The following NTM variants were observed in gnomAD, a reference collection of about 807,000 sequenced individuals.
NTM encodes neurotrimin.
Under a neutral mutation model 42.1 loss-of-function variants are expected in NTM, and 13 were observed. That is an observed-to-expected ratio of 0.31 (90% CI 0.20 to 0.49). NTM has a LOEUF of 0.49. Ranked by LOEUF, NTM falls within the 20% of genes least tolerant of loss-of-function variation. The pLI, the probability that NTM is intolerant of heterozygous loss-of-function variation, is 0.99. For synonymous variants in NTM, 187 were observed against 179.2 expected (o/e 1.04, Z -0.35); for missense variants, 373 against 452.8 (o/e 0.82, Z 1.60).
intron 2 of NTM, among the ~76,000 whole-genome samples, chr11:132,012,669 C>G (rs1555217994): frequency 6.6e-6 from 1 of 152,140 alleles, no homozygotes; most frequent in Non-Finnish European, 1.5e-5. Flanking sequence ...TTCCTCTTCT[C>G]TTGATTAATT....
chr11:131,555,713 G>A (rs1242015316), intron 1 of NTM, among the ~76,000 whole-genome samples: 2 of 152,128 alleles, frequency 1.3e-5, no homozygotes, highest in African/African-American at 2.4e-5. Flanking sequence ...TCTTGCTCAG[G>A]CAGGAATGGC....
intron 1 of NTM, among the ~76,000 whole-genome samples, chr11:131,724,073 G>A (rs893816485): frequency 6.6e-6 from 1 of 152,164 alleles, no homozygotes; most frequent in Non-Finnish European, 1.5e-5. Context: ...AGAGGAGGGA[G>A]GGACAACACT....
rs114174055 is a variant in NTM at position 131,763,184 on chromosome 11, G to C, written c.83-148380G>C. Among the ~76,000 whole-genome samples the C allele has an allele frequency of 3.7e-3, 563 of 152,318 alleles. 5 individuals carry two copies. Among genetic ancestry groups the C allele is most frequent in the African/African-American group, 0.012 (518 of 41,568 alleles). On this transcript the variant is annotated intron_variant, in intron 1 of 8. Transcript: ENST00000683400. ...AAAACCCAGGCAGCCTGACTGCCAA[G>C]CTTTGGTATAAAAAATTAGCAAGTC...
At chr11:131,962,425 G>A (rs1253422956) in intron 2 of NTM, among the ~76,000 whole-genome samples, 2 of 152,172 alleles carry the variant, frequency 1.3e-5, no homozygotes, top group Non-Finnish European at 2.9e-5. Flanking sequence ...TGGATCATGA[G>A]GTTGGAGCCC....
chr11:132,188,518 G>C (rs568269057), intron 3 of NTM, among the ~76,000 whole-genome samples: 2 of 152,036 alleles, frequency 1.3e-5, no homozygotes, highest in Non-Finnish European at 2.9e-5. Context: ...AACTTACGCC[G>C]GTCTCTAAAC....
At chr11:132,188,098 G>A (rs545625994) in intron 3 of NTM, among the ~76,000 whole-genome samples, 36 of 152,250 alleles carry the variant, frequency 2.4e-4, no homozygotes, top group African/African-American at 8.4e-4. Flanking sequence ...AACTCTGTGC[G>A]TGCGTGTGTG....
intron 2 of NTM, among the ~76,000 whole-genome samples, chr11:132,098,027 G>A (rs897371123): frequency 1.3e-5 from 2 of 152,208 alleles, no homozygotes; most frequent in Non-Finnish European, 2.9e-5. Context: ...TGCTGTAACA[G>A]GTATTGTTAT....
chr11:132,158,578 AGTG>A (rs2137558834), intron 3 of NTM, among the ~76,000 whole-genome samples: 1 of 152,348 alleles, frequency 6.6e-6, no homozygotes, highest in African/African-American at 2.4e-5. Flanking sequence ...TTGTTTCCCA[AGTG>A]CCTAGAACAG....
intron 1 of NTM, among the ~76,000 whole-genome samples, chr11:131,757,803 A>T (rs2083532423): frequency 6.6e-6 from 1 of 152,238 alleles, no homozygotes; most frequent in African/African-American, 2.4e-5. Flanking sequence ...ACCAGAGTAA[A>T]AGTAGTGGGA....
rs141350198 is a variant in NTM at position 131,828,300 on chromosome 11, C to T, written c.83-83264C>T. ...ACCACGACCACTTTCACTATTAACA[C>T]CAGTATCACCACCGCCTTCACCATT... is the stretch of plus-strand genomic sequence containing the variant. On this transcript the variant is annotated intron_variant, in intron 1 of 8. Coordinates refer to ENST00000683400, the MANE Select transcript of NTM (RefSeq NM_001352005.2). Among the ~76,000 whole-genome samples the T allele has an allele frequency of 2.7e-3, 406 of 152,198 alleles. 2 individuals carry two copies. Among genetic ancestry groups the T allele is most frequent in the African/African-American group, 9.2e-3 (384 of 41,526 alleles).
chr11:131,706,257 GA>G (rs1377672651), intron 1 of NTM, among the ~76,000 whole-genome samples: 1 of 151,838 alleles, frequency 6.6e-6, no homozygotes, highest in Non-Finnish European at 1.5e-5. Flanking sequence ...ATTATAAAAT[GA>G]AAAAGGGATC....
chr11:132,329,769 G>A (rs1019536897), intron 7 of NTM, among the ~76,000 whole-genome samples: 10 of 152,240 alleles, frequency 6.6e-5, no homozygotes, highest in African/African-American at 2.4e-4. Flanking sequence ...AGGATAGCCT[G>A]ATGACCAAAG....
intron 3 of NTM, among the ~76,000 whole-genome samples, chr11:132,167,967 T>A (rs913617035): frequency 1.3e-5 from 2 of 152,220 alleles, no homozygotes; most frequent in African/African-American, 4.8e-5. Context: ...CAAATTGCTG[T>A]AGAGAGTGCA....
intron 1 of NTM, among the ~76,000 whole-genome samples, chr11:131,432,500 C>G (rs944858010): frequency 6.6e-6 from 1 of 152,120 alleles, no homozygotes; most frequent in African/African-American, 2.4e-5. Context: ...CTGGTTAAGT[C>G]TGGCTAATGA....
intron 1 of NTM, chr11:131,794,655 T>C (rs1294320805): frequency 3.1e-6 from 3 of 982,554 alleles, no homozygotes; most frequent in East Asian, 1.1e-4. Flanking sequence ...GAGTAGTGCA[T>C]ATACGGGCAA....
At chr11:131,377,040 G>C (rs991702695) in intron 1 of NTM, among the ~76,000 whole-genome samples, 3 of 152,210 alleles carry the variant, frequency 2.0e-5, no homozygotes, top group Non-Finnish European at 4.4e-5. Context: ...AACAACAGCA[G>C]TACCGGAAGC....
chr11:131,546,345 A>G (rs2053941760), intron 1 of NTM, among the ~76,000 whole-genome samples: 1 of 152,210 alleles, frequency 6.6e-6, no homozygotes, highest in Non-Finnish European at 1.5e-5. Context: ...CTTGATACAA[A>G]CAAGGTTCCC....
chr11:131,620,103 C>T lies in NTM; in HGVS notation c.82+249215C>T, dbSNP rs146890679. 2.8e-3 allele frequency among the ~76,000 whole-genome samples: 433 copies of T among 152,214 alleles called. 7 individuals are homozygous for T. Among genetic ancestry groups the T allele is most frequent in the African/African-American group, 9.0e-3 (373 of 41,534 alleles). Reference sequence around the variant, plus strand: ...TAGGCATGAGCCACTGCACTTGGCACCACTGAACATCTCATATACTAAAGC... The same window carrying T: ...TAGGCATGAGCCACTGCACTTGGCATCACTGAACATCTCATATACTAAAGC... On this transcript the variant is annotated intron_variant, in intron 1 of 8. Coordinates refer to ENST00000683400, the MANE Select transcript of NTM (RefSeq NM_001352005.2).
intron 1 of NTM, among the ~76,000 whole-genome samples, chr11:131,457,798 T>C (rs1951033271): frequency 6.6e-6 from 1 of 152,182 alleles, no homozygotes; most frequent in East Asian, 1.9e-4. Flanking sequence ...GAGCAGTGAT[T>C]AGTTTATGAA....
Sources: allele counts gnomAD v4.1 joint callset (sites outside exome capture counted in the v4.1 genomes callset), GRCh38; gene constraint gnomAD v4.1.1; transcripts MANE v1.5; gene names NCBI Gene and HGNC (gene_info 2026-07-23, HGNC 2026-07-21).